The following TP63 variants were observed in gnomAD, a reference collection of about 807,000 sequenced individuals.
The protein encoded by TP63 is tumor protein 63.
TP63 carries 17 observed loss-of-function variants against 82.8 expected under a neutral mutation model. That is an observed-to-expected ratio of 0.21 (90% CI 0.14 to 0.31). The LOEUF is 0.31. Among genes scored for constraint, TP63 ranks in the 10% least tolerant of loss-of-function variants. TP63 has a pLI of 1.00. For missense variants in TP63, 648 were observed against 895.3 expected (o/e 0.72, Z 3.52); for synonymous variants, 330 against 321.7 (o/e 1.03, Z -0.28).
the TP63 span, among the ~76,000 whole-genome samples, chr3:189,617,931 G>C: frequency 6.6e-6 from 1 of 152,136 alleles, no homozygotes; most frequent in Non-Finnish European, 1.5e-5. Flanking sequence ...ATTTAGCCAT[G>C]TGAGCTTCCA....
intron 1 of TP63, among the ~76,000 whole-genome samples, chr3:189,676,406 G>T (rs1169807584): frequency 6.6e-6 from 1 of 152,046 alleles, no homozygotes; most frequent in Non-Finnish European, 1.5e-5. Flanking sequence ...GTGGGATCAT[G>T]CAGTATTTGT....
intron 4 of TP63, among the ~76,000 whole-genome samples, chr3:189,856,105 C>G (rs910556112): frequency 3.3e-5 from 5 of 151,372 alleles, no homozygotes; most frequent in Non-Finnish European, 1.5e-5. Flanking sequence ...AATTTAATGC[C>G]TATAAGTAGG....
intron 9 of TP63, among the ~76,000 whole-genome samples, chr3:189,872,407 A>ACG (rs1337513036): frequency 7.0e-6 from 1 of 143,080 alleles, no homozygotes; most frequent in South Asian, 2.1e-4. Flanking sequence ...TCTAACACAC[A>ACG]CACACACACA....
chr3:189,707,800 T>A (rs902385441), intron 1 of TP63, among the ~76,000 whole-genome samples: 1 of 152,194 alleles, frequency 6.6e-6, no homozygotes, highest in Admixed American at 6.5e-5. Flanking sequence ...AAGTTACTTA[T>A]GTATACTTCT....
At chr3:189,711,706 A>G (rs1718609051) in intron 1 of TP63, among the ~76,000 whole-genome samples, 1 of 152,216 alleles carries the variant, frequency 6.6e-6, no homozygotes, top group African/African-American at 2.4e-5. Context: ...TAGCAGTACC[A>G]TAATGACTGA....
chr3:189,677,836 C>A (rs1054399963), intron 1 of TP63, among the ~76,000 whole-genome samples: 5 of 152,032 alleles, frequency 3.3e-5, no homozygotes, highest in Admixed American at 2.0e-4. Flanking sequence ...ATTTGCATTT[C>A]TCTGATGATT....
At chr3:189,805,862 A>G (rs1029883317) in intron 3 of TP63, among the ~76,000 whole-genome samples, 2 of 152,124 alleles carry the variant, frequency 1.3e-5, no homozygotes, top group Non-Finnish European at 2.9e-5. Flanking sequence ...ATGTTGCCTC[A>G]AGGCCAAAAA....
At chr3:189,866,849 A>G (rs1717790415) in intron 6 of TP63, 52 bp downstream of exon 6, 1 of 1,398,972 alleles carries the variant, frequency 7.1e-7, no homozygotes, top group East Asian at 2.3e-5. Flanking sequence ...GACTGAGTAG[A>G]CTTGAGAGAA....
chr3:189,893,615 G>C (rs960293357), intron 13 of TP63, among the ~76,000 whole-genome samples: 1 of 152,144 alleles, frequency 6.6e-6, no homozygotes, highest in Non-Finnish European at 1.5e-5. Context: ...TGCCGTTTCA[G>C]GTTCTGAGGA....
intron 1 of TP63, among the ~76,000 whole-genome samples, chr3:189,721,351 A>T (rs1719377511): frequency 6.6e-6 from 1 of 152,224 alleles, no homozygotes; most frequent in African/African-American, 2.4e-5. Flanking sequence ...AGTATTTTCT[A>T]GTAATACAAT....
Position 189,692,346 on chromosome 3 carries a change from C to T in TP63, c.63-45394C>T, listed in dbSNP as rs570809175. On this transcript the variant is annotated intron_variant, in intron 1 of 13. Transcript: ENST00000264731. ...TCCCTCTGTTCTCTATTTCTTTCTT[C>T]TTTTCATCCCTTCTTTATTTCTTTT... 1.5e-3 allele frequency among the ~76,000 whole-genome samples: 220 copies of T among 151,582 alleles called. 1 individual carries two copies. Among genetic ancestry groups the T allele is most frequent in the African/African-American group, 5.2e-3 (215 of 41,366 alleles).
At chr3:189,666,910 A>G (rs1365800103) in intron 1 of TP63, among the ~76,000 whole-genome samples, 1 of 151,924 alleles carries the variant, frequency 6.6e-6, no homozygotes, top group Non-Finnish European at 1.5e-5. Context: ...ATATTTTTAA[A>G]TGACAGTAGA....
At chr3:189,740,398 A>T (rs1045808367) in intron 3 of TP63, among the ~76,000 whole-genome samples, 4 of 152,176 alleles carry the variant, frequency 2.6e-5, no homozygotes, top group African/African-American at 9.7e-5. Flanking sequence ...TTCTGTTCTC[A>T]GTCTTGGACT....
At chr3:189,869,260 A>G (rs1247364486) in intron 8 of TP63, 64 bp from the exon 9 acceptor site, 5 of 1,213,322 alleles carry the variant, frequency 4.1e-6, no homozygotes, top group Admixed American at 1.7e-5. Flanking sequence ...TATTAAGTAT[A>G]TTTAATATGC....
the TP63 span, among the ~76,000 whole-genome samples, chr3:189,624,463 T>G: frequency 6.6e-6 from 1 of 152,150 alleles, no homozygotes; most frequent in Non-Finnish European, 1.5e-5. Flanking sequence ...AAGTTTATAC[T>G]CATAAAATCA....
Position 189,647,221 on chromosome 3 carries a change from G to A in TP63, c.62+15644G>A, listed in dbSNP as rs984006310. Among the ~76,000 whole-genome samples the A allele has an allele frequency of 8.2e-5, 12 of 146,920 alleles. 3 individuals are homozygous for A. Among genetic ancestry groups the A allele is most frequent in the South Asian group, 6.7e-4 (3 of 4,454 alleles). ...GGTTGCTATAAGTAGATAGCAACAC[G>A]AATGCTGATGAGGTCCTTCAGTTTA... On this transcript the variant is annotated intron_variant, in intron 1 of 13. Coordinates refer to ENST00000264731, the MANE Select transcript of TP63 (RefSeq NM_003722.5).
At chr3:189,765,694 A>G (rs1722911555) in intron 3 of TP63, among the ~76,000 whole-genome samples, 1 of 151,140 alleles carries the variant, frequency 6.6e-6, no homozygotes, top group South Asian at 2.1e-4. Flanking sequence ...CGGCCTCCCA[A>G]AGTGCTGGGA....
chr3:189,722,164 T>TG lies in TP63; in HGVS notation c.63-15571dup, dbSNP rs1401245429. ...CAAACAGGCTCAGGTGGAAGCTCTCTGGGGGCCAGATTAAACAAAGACAGC... is the reference window on the plus strand; with the variant it reads ...CAAACAGGCTCAGGTGGAAGCTCTCTGGGGGGCCAGATTAAACAAAGACAGC... On this transcript the variant is annotated intron_variant, in intron 1 of 13. Transcript: ENST00000264731. 2.6e-5 allele frequency among the ~76,000 whole-genome samples: 4 copies of TG among 152,274 alleles called. No individual in the cohort carries two copies. The East Asian group carries it at 7.7e-4, about 29-fold the overall frequency.
intron 4 of TP63, among the ~76,000 whole-genome samples, chr3:189,832,091 A>G (rs190015711): frequency 1.2e-4 from 18 of 152,016 alleles, no homozygotes; most frequent in Admixed American, 1.1e-3. Flanking sequence ...TGGCCTCCCA[A>G]AGTGCTAGGA....
Sources: allele counts gnomAD v4.1 joint callset (sites outside exome capture counted in the v4.1 genomes callset), GRCh38; gene constraint gnomAD v4.1.1; transcripts MANE v1.5; gene names NCBI Gene and HGNC (gene_info 2026-07-23, HGNC 2026-07-21).